SHANK2: variants seen among roughly 807,000 people sequenced by gnomAD.
The protein encoded by SHANK2 is SH3 and multiple ankyrin repeat domains protein 2.
SHANK2 carries 43 observed loss-of-function variants against 133.7 expected under a neutral mutation model. That is an observed-to-expected ratio of 0.32 (90% CI 0.25 to 0.41). SHANK2 has a LOEUF of 0.41. Among genes scored for constraint, SHANK2 ranks in the 10% least tolerant of loss-of-function variants. The pLI, the probability that SHANK2 is intolerant of heterozygous loss-of-function variation, is 1.00. For missense variants in SHANK2, 1,994 were observed against 2,235.8 expected (o/e 0.89, Z 2.18); for synonymous variants, 1,017 against 952.8 (o/e 1.07, Z -1.24).
chr11:71,116,982 C>G (rs1951991861), intron 4 of SHANK2, among the ~76,000 whole-genome samples: 1 of 152,064 alleles, frequency 6.6e-6, no homozygotes, highest in Non-Finnish European at 1.5e-5. Flanking sequence ...GAACCGTGGG[C>G]CAATTAAACC....
intron 4 of SHANK2, among the ~76,000 whole-genome samples, chr11:71,117,335 G>A (rs1227910420): frequency 1.3e-5 from 2 of 152,172 alleles, no homozygotes; most frequent in African/African-American, 4.8e-5. Context: ...TTTCTGTATA[G>A]CAATGAAAGA....
Position 70,673,292 on chromosome 11 carries a change from TAA to T in SHANK2, c.1854-11616_1854-11615del, listed in dbSNP as rs11333382. Among the ~76,000 whole-genome samples, 679 of 145,446 alleles carry T rather than the reference TAA, an allele frequency of 4.7e-3. 2 individuals are homozygous for T. The highest frequency in any genetic ancestry group is 0.016 in the African/African-American group (651 of 40,256). ...CTTTGACTCTGAACTGAATGTTCTT[TAA>T]AAAAAAAAAAAAATCAGGGGAACAG... On this transcript the variant is annotated intron_variant, in intron 15 of 25. Transcript: ENST00000601538.
At chr11:71,192,679 C>T (rs192884039) in intron 2 of SHANK2, among the ~76,000 whole-genome samples, 8 of 152,188 alleles carry the variant, frequency 5.3e-5, no homozygotes, top group Admixed American at 2.6e-4. Flanking sequence ...CTAATCAATC[C>T]AATTTCATAC....
intron 17 of SHANK2, among the ~76,000 whole-genome samples, chr11:70,585,778 CTA>C (rs1231818073): frequency 2.6e-5 from 4 of 151,714 alleles, no homozygotes; most frequent in African/African-American, 9.7e-5. Context: ...CACCCATCCT[CTA>C]TCCATCCATC....
chr11:71,139,022 G>A (rs1952502321), intron 3 of SHANK2, among the ~76,000 whole-genome samples: 1 of 152,042 alleles, frequency 6.6e-6, no homozygotes, highest in Non-Finnish European at 1.5e-5. Context: ...GACAATGCAT[G>A]GTCTTTGAGG....
At chr11:70,572,139 C>A (rs113314985) in intron 17 of SHANK2, among the ~76,000 whole-genome samples, 6,620 of 152,342 alleles carry the variant, frequency 0.043, 204 homozygotes, top group Middle Eastern at 0.11. Flanking sequence ...CAGGCTTCAG[C>A]CTCCAGAACT....
intron 3 of SHANK2, among the ~76,000 whole-genome samples, chr11:71,145,176 C>A (rs755257501): frequency 2.0e-5 from 3 of 152,220 alleles, no homozygotes; most frequent in Non-Finnish European, 4.4e-5. Context: ...TCTAGGGCAT[C>A]AGGCCACCCT....
Position 71,092,442 on chromosome 11 carries a change from C to G in SHANK2, c.892G>C (p.Gly298Arg), listed in dbSNP as rs558179859. 5 of 1,551,252 alleles carry G rather than the reference C, an allele frequency of 3.2e-6. No individual in the cohort carries two copies. The East Asian group carries it at 7.3e-5, about 23-fold the overall frequency. The part of the protein sequence containing the change: ...HATVCCKDEN[G>R]WHEIHQACRY... ...CGTACCTGGTGGATCTCGTGCCAGC[C>G]GTTCTCATCTTTGCAGCACACAGTG... Residue 298 changes from glycine (G) to arginine (R), a missense_variant, in exon 8 of 26, where the codon GGC becomes CGC. Physicochemically the swap from Gly to Arg is moderately radical, Grantham distance 125 (BLOSUM62 -2). Around this residue, in one of 5 missense-constraint regions of SHANK2, gnomAD observed 653 missense variants for 563.4 expected, o/e 1.16. Transcript: ENST00000601538.
chr11:70,807,068 C>A lies in SHANK2; in HGVS notation c.1597G>T (p.Ala533Ser). 2 of 717,796 alleles carry A rather than the reference C, an allele frequency of 2.8e-6. No individual in the cohort carries two copies. Among genetic ancestry groups the A allele is most frequent in the Non-Finnish European group, 5.2e-6 (2 of 384,930 alleles). The allele number at this position is 717,796 out of a possible 1,614,324, so 44.5% of individuals were successfully genotyped here. ...ACTTGGGGTTGGTATGGCTTGACAGCGACGAAGAGCCTCCCGGGCACGGCA... is the reference window on the plus strand; with the variant it reads ...ACTTGGGGTTGGTATGGCTTGACAGAGACGAAGAGCCTCCCGGGCACGGCA... ...YSAVPGRLFV[A>S]VKPYQPQVDG... The change falls in exon 13 of 26, where the codon GCT becomes TCT. Residue 533 changes from alanine to serine, a missense_variant. Coordinates refer to ENST00000601538, the MANE Select transcript of SHANK2 (RefSeq NM_012309.5). This position sits in a 1 kb window ranked among gnomAD's most constrained non-coding sequence, Gnocchi z 4.8.
intron 3 of SHANK2, among the ~76,000 whole-genome samples, chr11:71,146,782 G>C (rs4423208): frequency 6.6e-6 from 1 of 151,926 alleles, no homozygotes; most frequent in Admixed American, 6.5e-5. Flanking sequence ...TGCACCTGCC[G>C]CCCGGGTTTT....
intron 9 of SHANK2, among the ~76,000 whole-genome samples, chr11:71,062,787 G>T (rs1951002566): frequency 6.6e-6 from 1 of 152,014 alleles, no homozygotes. Context: ...CTTGAGTCTA[G>T]GAGTTTCAGA....
intron 14 of SHANK2, among the ~76,000 whole-genome samples, chr11:70,740,477 G>A (rs145381218): frequency 2.6e-4 from 39 of 152,154 alleles, no homozygotes; most frequent in African/African-American, 8.9e-4. Context: ...AAGCTTCCCC[G>A]GTCTTTTCTG....
At chr11:70,621,250 T>A (rs553197189) in intron 17 of SHANK2, among the ~76,000 whole-genome samples, 3 of 152,322 alleles carry the variant, frequency 2.0e-5, no homozygotes, top group African/African-American at 7.2e-5. Flanking sequence ...TTGAGGAGAT[T>A]AAGTGTCATA....
At chr11:70,481,862 C>T (rs1032062004) in intron 25 of SHANK2, among the ~76,000 whole-genome samples, 2 of 152,248 alleles carry the variant, frequency 1.3e-5, no homozygotes, top group African/African-American at 4.8e-5. Context: ...GTGAAGACCA[C>T]GCCCAGCAAA....
chr11:70,689,204 T>C (rs12277769), intron 15 of SHANK2, among the ~76,000 whole-genome samples: 8,889 of 152,256 alleles, frequency 0.058, 873 homozygotes, highest in African/African-American at 0.2. Context: ...AACAGTGTGA[T>C]TGACAAAATA....
intron 14 of SHANK2, among the ~76,000 whole-genome samples, chr11:70,788,882 G>A (rs1236999920): frequency 6.6e-6 from 1 of 152,276 alleles, no homozygotes. Flanking sequence ...ATTTCTGGGA[G>A]GAGGAAACAC....
chr11:70,687,263 A>C (rs1434183490), intron 15 of SHANK2, among the ~76,000 whole-genome samples: 1 of 152,216 alleles, frequency 6.6e-6, no homozygotes, highest in Non-Finnish European at 1.5e-5. Flanking sequence ...CTGGCACCTG[A>C]ACTCCCAGGC....
intron 15 of SHANK2, among the ~76,000 whole-genome samples, chr11:70,674,754 T>G (rs1480096175): frequency 6.6e-6 from 1 of 152,224 alleles, no homozygotes; most frequent in Non-Finnish European, 1.5e-5. Flanking sequence ...CTGTTGCAAC[T>G]ACTCACTCTG....
chr11:70,721,957 T>C (rs1188140340), intron 14 of SHANK2, among the ~76,000 whole-genome samples: 1 of 152,254 alleles, frequency 6.6e-6, no homozygotes, highest in Non-Finnish European at 1.5e-5. Flanking sequence ...ATGATGCCAC[T>C]GGTGGCAGGG....
Sources: allele counts gnomAD v4.1 joint callset (sites outside exome capture counted in the v4.1 genomes callset), GRCh38; gene constraint gnomAD v4.1.1; regional missense constraint gnomAD v4.1.1; non-coding constraint Gnocchi (gnomAD v3.1); transcripts MANE v1.5; gene names NCBI Gene and HGNC (gene_info 2026-07-23, HGNC 2026-07-21).